The following WNK2 variants were observed in gnomAD, a reference collection of about 807,000 sequenced individuals.
WNK2 encodes the protein serine/threonine-protein kinase WNK2.
A neutral mutation model predicts 192.1 loss-of-function variants in WNK2; 67 were observed. The ratio of observed to expected loss-of-function variants is 0.35; its 90% CI spans 0.29 to 0.43. WNK2 has a LOEUF of 0.43. Among genes scored for constraint, WNK2 ranks in the 20% least tolerant of loss-of-function variants. WNK2 has a pLI of 1.00. For missense variants in WNK2, 2,698 were observed against 3,089.7 expected, an observed-to-expected ratio of 0.87 and a Z score of 3.01; for synonymous variants, 1,439 against 1,393.9, an observed-to-expected ratio of 1.03 and a Z score of -0.72.
Position 93,229,777 on chromosome 9 carries a change from G to A in WNK2, c.763G>A (p.Val255Met), listed in dbSNP as rs762492279. The A allele has an allele frequency of 1.2e-6, 2 of 1,613,734 alleles. No individual in the cohort carries two copies. The highest frequency in any genetic ancestry group is 1.3e-5 in the African/African-American group (1 of 74,930). ...GAAAGGCCTGCAGCACCCCAACATC[G>A]TGCGCTTCTACGACTTCTGGGAGTC... ...MLKGLQHPNI[V>M]RFYDFWESSA... The change falls in exon 3 of 30, where the codon GTG (valine) becomes ATG (methionine). Residue 255 changes from valine (V) to methionine (M), a missense_variant. By Grantham distance (21) the Val-to-Met change is conservative. Coordinates refer to ENST00000427277, the MANE Select transcript of WNK2 (RefSeq NM_006648.4). This position sits in a 1 kb window ranked among gnomAD's most constrained non-coding sequence, Gnocchi z 4.9.
intron 2 of WNK2, among the ~76,000 whole-genome samples, chr9:93,191,401 C>G (rs1830308445): frequency 6.6e-6 from 1 of 152,084 alleles, no homozygotes; most frequent in Non-Finnish European, 1.5e-5. Flanking sequence ...TGGTTCTAGA[C>G]CTGGGGTACC....
chr9:93,256,192 TG>T, intron 9 of WNK2, 106 bp from the exon 10 acceptor site: 1 of 1,308,612 alleles, frequency 7.6e-7, no homozygotes, highest in Non-Finnish European at 9.9e-7. Flanking sequence ...AGAGGGACCC[TG>T]GTAGGGACCA....
intron 19 of WNK2, among the ~76,000 whole-genome samples, chr9:93,285,632 A>G (rs1260600343): frequency 6.6e-6 from 1 of 152,224 alleles, no homozygotes; most frequent in Non-Finnish European, 1.5e-5. Context: ...AGTATTATAA[A>G]CACTTCTTCC....
intron 26 of WNK2, among the ~76,000 whole-genome samples, chr9:93,303,297 G>A (rs554853820): frequency 4.6e-5 from 7 of 152,306 alleles, no homozygotes; most frequent in East Asian, 1.9e-4. Context: ...ACCTCTGGTC[G>A]TGGTTCTGTT....
intron 26 of WNK2, among the ~76,000 whole-genome samples, chr9:93,302,572 G>T (rs549134545): frequency 1.8e-4 from 28 of 152,302 alleles, no homozygotes; most frequent in Non-Finnish European, 4.1e-4. Flanking sequence ...AATATAGAAG[G>T]ATCCTGGCCT....
At position 93,229,460 on chromosome 9, in the gene WNK2, T is replaced by C. The variant is rs780646190; in HGVS notation, c.682-236T>C. The stretch of plus-strand genomic sequence containing the variant: ...TGTGGATTTGCGAGACCTCTTCGGC[T>C]TCCTAGGATGTCTTTTTGCTGAGGT... On this transcript the variant is annotated intron_variant, in intron 2 of 29. Transcript: ENST00000427277. The surrounding 1 kb of genome is among the most constrained non-coding windows in gnomAD (Gnocchi z 4.9). Among the ~76,000 whole-genome samples the C allele has an allele frequency of 8.5e-5, 13 of 152,078 alleles. No individual in the cohort carries two copies. The highest frequency in any genetic ancestry group is 5.9e-4 in the Admixed American group (9 of 15,284).
rs144923949 is a variant in WNK2, at chr9:93,318,644, G to T, written c.6628+1013G>T. The stretch of plus-strand genomic sequence containing the variant: ...TGCAGCTCCTCCAGCTGGAGAGGCT[G>T]CCCTCTCTCCTGCCCACTTCCCTCC... On this transcript the variant is annotated intron_variant, in intron 29 of 29. Transcript: ENST00000427277. 3.8e-4 allele frequency: 593 copies of T among 1,563,234 alleles called. 1 individual carries two copies. The African/African-American group carries it at 6.6e-3, about 17-fold the overall frequency.
intron 2 of WNK2, among the ~76,000 whole-genome samples, chr9:93,193,510 C>T (rs1418232506): frequency 1.3e-5 from 2 of 152,240 alleles, no homozygotes; most frequent in African/African-American, 2.4e-5. Context: ...TCTCCCCGCC[C>T]GGGAGCTGTG....
chr9:93,289,230 C>T lies in WNK2; in HGVS notation c.4476C>T (p.Ala1492=). 1 of 1,605,158 alleles carries T rather than the reference C, an allele frequency of 6.2e-7. No individual in the cohort carries two copies. The highest frequency in any genetic ancestry group is 8.5e-7 in the Non-Finnish European group (1 of 1,178,472). Residue 1492 remains alanine (A), a synonymous_variant, in exon 20 of 30, where the codon GCC becomes GCT. Transcript: ENST00000427277. ...CCCACAGCGGGACCCCACAGCCCGCCTTGGGTCAACCTGCTCCCCTGCTTC... is the reference window on the plus strand; with the variant it reads ...CCCACAGCGGGACCCCACAGCCCGCTTTGGGTCAACCTGCTCCCCTGCTTC... ...PSPHSGTPQP[A]LGQPAPLLPA...
At chr9:93,232,050 A>G (rs1838904685) in intron 4 of WNK2, among the ~76,000 whole-genome samples, 2 of 152,214 alleles carry the variant, frequency 1.3e-5, no homozygotes, top group African/African-American at 2.4e-5. Flanking sequence ...ATGGCACCCA[A>G]TCGGATCAGA....
chr9:93,211,233 C>G (rs1244914849), intron 2 of WNK2, among the ~76,000 whole-genome samples: 10 of 118,326 alleles, frequency 8.5e-5, no homozygotes, highest in Non-Finnish European at 1.0e-4. Context: ...CACTCACTCA[C>G]TCACTCATTC....
chr9:93,270,385 G>C lies in WNK2; in HGVS notation c.4033+1639G>C, dbSNP rs553523817. On this transcript the variant is annotated intron_variant, in intron 19 of 29. Transcript: ENST00000427277. ...AAAATGACCAAAGAGTTGGGTGCTGGGTAAGGTAGAGAAAGCACACACATC... is the reference window on the plus strand; with the variant it reads ...AAAATGACCAAAGAGTTGGGTGCTGCGTAAGGTAGAGAAAGCACACACATC... Among the ~76,000 whole-genome samples, 5 of 152,306 alleles carry C rather than the reference G, an allele frequency of 3.3e-5. No homozygotes were observed. In the South Asian group the frequency reaches 1.0e-3, roughly 32 times the overall value.
intron 29 of WNK2, 96 bp downstream of exon 29, chr9:93,317,727 G>T: frequency 6.6e-7 from 1 of 1,508,138 alleles, no homozygotes. Flanking sequence ...GGGGCCCTGG[G>T]CAGGCCAGGT....
At chr9:93,268,585 G>A in intron 18 of WNK2, 42 bp from the exon 19 acceptor site, 2 of 1,579,822 alleles carry the variant, frequency 1.3e-6, no homozygotes, top group South Asian at 2.3e-5. Flanking sequence ...GCCTGGAAAG[G>A]CGCTCACTCA....
chr9:93,188,974 C>G (rs1829838771), intron 2 of WNK2, among the ~76,000 whole-genome samples: 1 of 152,198 alleles, frequency 6.6e-6, no homozygotes, highest in Non-Finnish European at 1.5e-5. Flanking sequence ...CCCTTCTTGG[C>G]TACCCACGTT....
At chr9:93,280,176 T>C (rs182978229) in intron 19 of WNK2, among the ~76,000 whole-genome samples, 48 of 152,266 alleles carry the variant, frequency 3.2e-4, no homozygotes, top group Non-Finnish European at 5.9e-5. Flanking sequence ...TATCCAGATA[T>C]CAGGAACTCT....
intron 2 of WNK2, among the ~76,000 whole-genome samples, chr9:93,211,857 C>T (rs1451126376): frequency 4.0e-5 from 6 of 150,842 alleles, no homozygotes; most frequent in African/African-American, 7.5e-5. Context: ...CACATTCCCT[C>T]ACTCATACAT....
At chr9:93,263,791 G>GA in intron 15 of WNK2, 57 bp downstream of exon 15, 1 of 321,286 alleles carries the variant, frequency 3.1e-6, no homozygotes, top group Non-Finnish European at 6.0e-6. Context: ...GTGGGGGTGT[G>GA]GTGGGGGTGG....
chr9:93,263,005 T>C (rs1428275915), intron 14 of WNK2, among the ~76,000 whole-genome samples: 2 of 151,894 alleles, frequency 1.3e-5, no homozygotes, highest in African/African-American at 4.8e-5. Context: ...ATGGGCGGAG[T>C]TGGCAGTGCC....
Sources: gnomAD v4.1 joint callset for allele counts (sites outside exome capture counted in the v4.1 genomes callset) on GRCh38, gnomAD v4.1.1 for gene constraint, Gnocchi (gnomAD v3.1) non-coding constraint, MANE v1.5 for transcripts, NCBI Gene and HGNC (gene_info 2026-07-23, HGNC 2026-07-21) for gene names.